RABGAP1L: variants seen among roughly 807,000 people sequenced by gnomAD.
RABGAP1L encodes the protein RAB GTPase activating protein 1 like.
Under a neutral mutation model 137.7 loss-of-function variants are expected in RABGAP1L, and 63 were observed. The ratio of observed to expected loss-of-function variants is 0.46; its 90% CI spans 0.37 to 0.56. RABGAP1L has a LOEUF of 0.56. Among genes scored for constraint, RABGAP1L ranks in the 20% least tolerant of loss-of-function variants. RABGAP1L has a pLI of 0.00. For synonymous variants in RABGAP1L, 431 were observed against 433.7 expected, an observed-to-expected ratio of 0.99 and a Z score of 0.08; for missense variants, 1,095 against 1,244.0, an observed-to-expected ratio of 0.88 and a Z score of 1.80.
intron 19 of RABGAP1L, among the ~76,000 whole-genome samples, chr1:174,840,647 A>AC (rs1339795626): frequency 6.7e-6 from 1 of 149,810 alleles, no homozygotes; most frequent in Non-Finnish European, 1.5e-5. Flanking sequence ...AAAAAAAAAA[A>AC]CAAAAAAAAA....
intron 11 of RABGAP1L, among the ~76,000 whole-genome samples, chr1:174,345,748 T>C (rs1682371705): frequency 6.6e-6 from 1 of 152,220 alleles, no homozygotes; most frequent in Non-Finnish European, 1.5e-5. Context: ...TTCTTTTGTG[T>C]AATTGCTCTG....
intron 19 of RABGAP1L, among the ~76,000 whole-genome samples, chr1:174,837,137 G>A (rs533641490): frequency 1.3e-5 from 2 of 152,106 alleles, no homozygotes; most frequent in South Asian, 4.2e-4. Flanking sequence ...AACCCGGGAG[G>A]GAGAGGTTGC....
chr1:174,579,168 T>C (rs1668569508), intron 13 of RABGAP1L, among the ~76,000 whole-genome samples: 1 of 152,042 alleles, frequency 6.6e-6, no homozygotes, highest in South Asian at 2.1e-4. Flanking sequence ...AAACTGGAGA[T>C]ATGTGTTTCA....
At position 174,992,565 on chromosome 1, in the gene RABGAP1L, A is replaced by G. The variant is rs1314746495; in HGVS notation, c.*2564A>G. 1 of 151,520 alleles carries G rather than the reference A, an allele frequency of 6.6e-6. No individual in the cohort carries two copies. 9.4% of individuals were successfully genotyped at this position (151,520 alleles called of 1,614,324 possible). On this transcript the variant is annotated 3_prime_UTR_variant, in exon 26 of 26. Transcript: ENST00000681986. ...TTTTTTTTTTTTATTCTCCAGCCCC[A>G]TATCATACTTGGGTATGCCTGTTGG...
chr1:174,837,503 G>A (rs1692892629), intron 19 of RABGAP1L, among the ~76,000 whole-genome samples: 1 of 152,128 alleles, frequency 6.6e-6, no homozygotes, highest in African/African-American at 2.4e-5. Context: ...TCACACACAG[G>A]GACAGGTGGA....
intron 13 of RABGAP1L, among the ~76,000 whole-genome samples, chr1:174,611,834 C>G (rs959456662): frequency 5.9e-4 from 90 of 152,138 alleles, no homozygotes; most frequent in African/African-American, 2.0e-3. Flanking sequence ...AATGGGAGTT[C>G]ACTCATGATT....
chr1:174,774,107 T>C (rs952533809), intron 18 of RABGAP1L, among the ~76,000 whole-genome samples: 1 of 152,254 alleles, frequency 6.6e-6, no homozygotes, highest in Admixed American at 6.5e-5. Context: ...TTATTTAATA[T>C]ATTGTTTATG....
intron 19 of RABGAP1L, chr1:174,850,233 G>A (rs190279651): frequency 7.1e-5 from 20 of 280,638 alleles, no homozygotes; most frequent in South Asian, 3.4e-4. Flanking sequence ...GGAAACCTCC[G>A]GGGTACCCTA....
At chr1:174,219,413 T>A in intron 2 of RABGAP1L, 118 bp downstream of exon 2, 7 of 716,398 alleles carry the variant, frequency 9.8e-6, no homozygotes, top group Non-Finnish European at 1.2e-5. Context: ...AAAATCAATG[T>A]TTGATTTATC....
chr1:174,825,593 C>T (rs1016707579), intron 19 of RABGAP1L, among the ~76,000 whole-genome samples: 7 of 152,136 alleles, frequency 4.6e-5, no homozygotes, highest in African/African-American at 1.7e-4. Context: ...ATTTTAGAAT[C>T]GAGGGTGTGG....
At chr1:174,348,644 G>C (rs908243375) in intron 11 of RABGAP1L, among the ~76,000 whole-genome samples, 29 of 145,972 alleles carry the variant, frequency 2.0e-4, no homozygotes, top group Non-Finnish European at 3.9e-4. Flanking sequence ...CTTGAGATTA[G>C]GGATTGGTGA....
intron 14 of RABGAP1L, among the ~76,000 whole-genome samples, chr1:174,643,727 T>TA (rs1437010732): frequency 1.3e-5 from 2 of 152,162 alleles, no homozygotes; most frequent in Non-Finnish European, 2.9e-5. Flanking sequence ...ATTAATCTCT[T>TA]AGAGTCAGAG....
rs553118019 is a variant in RABGAP1L, at chr1:174,732,200, C to T, written c.2170-20113C>T. Reference sequence around the variant, plus strand: ...GCGACAGAGTGAGACCCCATCCCCCCCAAAAAAAAAAAACATGGATTGTTA... The same window carrying T: ...GCGACAGAGTGAGACCCCATCCCCCTCAAAAAAAAAAAACATGGATTGTTA... On this transcript the variant is annotated intron_variant, in intron 17 of 25. Transcript: ENST00000681986. Among the ~76,000 whole-genome samples the T allele has an allele frequency of 1.2e-4, 15 of 120,030 alleles. No homozygotes were observed. The East Asian group carries it at 4.3e-3, about 35-fold the overall frequency. The allele number at this position is 120,030 out of a possible 152,430, so 78.7% of individuals were successfully genotyped here. A position where few individuals can be genotyped will look rare whatever the true frequency, so the allele number is the denominator to read the frequency against.
intron 13 of RABGAP1L, among the ~76,000 whole-genome samples, chr1:174,612,227 C>A (rs1470954980): frequency 2.6e-5 from 4 of 152,092 alleles, no homozygotes; most frequent in Non-Finnish European, 5.9e-5. Flanking sequence ...TGAGATATGT[C>A]CCATCAATAC....
At chr1:174,389,953 A>C (rs2149073248) in intron 12 of RABGAP1L, among the ~76,000 whole-genome samples, 1 of 152,284 alleles carries the variant, frequency 6.6e-6, no homozygotes, top group South Asian at 2.1e-4. Context: ...CCTATTTTCA[A>C]GTTCCTGATA....
intron 20 of RABGAP1L, among the ~76,000 whole-genome samples, chr1:174,968,328 T>C (rs541083937): frequency 3.9e-5 from 6 of 152,228 alleles, no homozygotes; most frequent in Non-Finnish European, 8.8e-5. Context: ...CATTAGTCTT[T>C]CCTGTCAGCT....
chr1:174,871,661 C>T (rs1652215593), intron 19 of RABGAP1L, among the ~76,000 whole-genome samples: 1 of 152,124 alleles, frequency 6.6e-6, no homozygotes, highest in Admixed American at 6.5e-5. Context: ...GTTCCCTAAA[C>T]CTACCCTCTG....
chr1:174,503,666 A>AAAAAAG (rs1236713088), intron 13 of RABGAP1L, among the ~76,000 whole-genome samples: 1 of 151,108 alleles, frequency 6.6e-6, no homozygotes, highest in Non-Finnish European at 1.5e-5. Context: ...GTCAAAAAAA[A>AAAAAAG]AAAAAAAAAG....
At chr1:174,682,484 C>G (rs1413481915) in intron 14 of RABGAP1L, among the ~76,000 whole-genome samples, 2 of 150,622 alleles carry the variant, frequency 1.3e-5, no homozygotes, top group Non-Finnish European at 2.9e-5. Flanking sequence ...AGTCCTGTCC[C>G]TTAAGAAAAA....
Sources: allele counts gnomAD v4.1 joint callset (sites outside exome capture counted in the v4.1 genomes callset), GRCh38; gene constraint gnomAD v4.1.1; transcripts MANE v1.5; gene names NCBI Gene and HGNC (gene_info 2026-07-23, HGNC 2026-07-21).